F5: variants seen among roughly 807,000 people sequenced by gnomAD.
The protein encoded by F5 is activated protein c cofactor.
Under a neutral mutation model 216.4 loss-of-function variants are expected in F5, and 138 were observed. The observed-to-expected ratio is 0.64, with a 90% CI of 0.56 to 0.73. The LOEUF (loss-of-function observed/expected upper bound fraction) is 0.73. Ranked by LOEUF, F5 falls within the 30% of genes least tolerant of loss-of-function variation. The probability of loss-of-function intolerance (pLI) is 0.00; values close to 1 mark genes in which losing one functional copy is unlikely to be tolerated. For missense variants in F5, 2,403 were observed against 2,674.0 expected, an observed-to-expected ratio of 0.90 and a Z score of 2.24; for synonymous variants, 916 against 930.7, an observed-to-expected ratio of 0.98 and a Z score of 0.29.
chr1:169,552,837 C>T (rs1660205289), intron 7 of F5, 103 bp from the exon 8 acceptor site: 4 of 830,590 alleles, frequency 4.8e-6, no homozygotes, highest in Non-Finnish European at 7.8e-6. Context: ...GATTAGCTAA[C>T]ATACTAGTTC....
Position 169,540,721 on chromosome 1 carries a change from G to A in F5, c.4369C>T (p.Pro1457Ser), listed in dbSNP as rs1321150541. ...LLPDLSQISP[P>S]PDLDQIFYPS... is the part of the protein sequence containing the mutation. The stretch of plus-strand genomic sequence containing the variant: ...TAGAATATCTGATCAAGGTCTGGAG[G>A]AGGTGATATCTGGCTGAGATCCGGG... Residue 1457 changes from proline to serine, a missense_variant, in exon 13 of 25, where the codon CCT (proline) becomes TCT (serine). This residue lies in a region of F5 where 293 missense variants were observed against 270.8 expected (regional missense o/e 1.08). Transcript: ENST00000367797. The A allele has an allele frequency of 1.9e-6, 3 of 1,614,060 alleles. No homozygotes were observed. The highest frequency in any genetic ancestry group is 1.7e-6 in the Non-Finnish European group (2 of 1,179,994).
At chr1:169,571,235 C>T (rs139833190) in intron 3 of F5, among the ~76,000 whole-genome samples, 17 of 152,150 alleles carry the variant, frequency 1.1e-4, no homozygotes, top group East Asian at 1.9e-4. Context: ...TACTATTCAG[C>T]GGCTGATACA....
chr1:169,559,522 G>T (rs2101832202), intron 4 of F5, among the ~76,000 whole-genome samples: 1 of 152,204 alleles, frequency 6.6e-6, no homozygotes, highest in East Asian at 1.9e-4. Context: ...TGGGGAACAG[G>T]CTTTATTTCA....
At chr1:169,558,234 G>T (rs1359088473) in intron 5 of F5, among the ~76,000 whole-genome samples, 1 of 151,952 alleles carries the variant, frequency 6.6e-6, no homozygotes, top group East Asian at 1.9e-4. Context: ...ATTATCTAAG[G>T]TCGAGGTCAG....
intron 4 of F5, among the ~76,000 whole-genome samples, chr1:169,559,607 A>T (rs753202970): frequency 1.1e-4 from 16 of 152,120 alleles, no homozygotes; most frequent in African/African-American, 1.9e-4. Context: ...TCTCAATAGA[A>T]GAGTATATAG....
chr1:169,538,002 G>T (rs1377832026), intron 13 of F5, among the ~76,000 whole-genome samples: 1 of 152,094 alleles, frequency 6.6e-6, no homozygotes, highest in African/African-American at 2.4e-5. Context: ...AATGAAATCA[G>T]TATGTTGAAG....
chr1:169,546,966 T>TAAAAAAAAAAAAAAAAGAAAAAAA (rs1660019703), intron 10 of F5, among the ~76,000 whole-genome samples: 1 of 129,938 alleles, frequency 7.7e-6, no homozygotes. Context: ...CCGTCTCTAC[T>TAAAAAAAAAAAAAAAAGAAAAAAA]AAAAAAAAAA....
chr1:169,567,254 G>T (rs894218409), intron 3 of F5, among the ~76,000 whole-genome samples: 6 of 151,776 alleles, frequency 4.0e-5, no homozygotes, highest in African/African-American at 1.5e-4. Flanking sequence ...GAGGGGGGAG[G>T]GATAGCATTG....
chr1:169,577,560 A>AATACATAT (rs1319354011), intron 2 of F5, among the ~76,000 whole-genome samples: 4 of 54,446 alleles, frequency 7.3e-5, no homozygotes, highest in Admixed American at 2.6e-4. Flanking sequence ...GGCTAATTTA[A>AATACATAT]ATATATATAT....
intron 12 of F5, 130 bp downstream of exon 12, chr1:169,544,166 G>T: frequency 1.3e-6 from 1 of 743,178 alleles, no homozygotes. Flanking sequence ...GAGAAACATT[G>T]AAAGAAAAGC....
chr1:169,525,363 T>C (rs1356711615), intron 18 of F5, among the ~76,000 whole-genome samples: 3 of 152,150 alleles, frequency 2.0e-5, no homozygotes, highest in Non-Finnish European at 2.9e-5. Context: ...AAAAAAGTTC[T>C]AGTCCTGATG....
chr1:169,544,387 C>T lies in F5; in HGVS notation c.1884G>A (p.Gly628=), dbSNP rs372635771. 2.7e-5 allele frequency: 44 copies of T among 1,614,082 alleles called. No homozygotes were observed. Among genetic ancestry groups the T allele is most frequent in the Non-Finnish European group, 3.5e-5 (41 of 1,180,006 alleles). ...QNEILTIHFT[G]HSFIYGKRHE... ...GCCTCTTTCCATAGATGAATGAGTG[C>T]CCAGTGAAGTGGATGGTCAAAATTT... Residue 628 remains glycine (G), a synonymous_variant, in exon 12 of 25, where the codon GGG becomes GGA. Coordinates refer to ENST00000367797, the MANE Select transcript of F5 (RefSeq NM_000130.5).
intron 3 of F5, among the ~76,000 whole-genome samples, chr1:169,565,857 G>A (rs1458424171): frequency 1.3e-5 from 2 of 152,092 alleles, no homozygotes; most frequent in Non-Finnish European, 2.9e-5. Context: ...AGGATAGCTT[G>A]ACACTAATAA....
Position 169,582,196 on chromosome 1 carries a change from G to A in F5, c.250+235C>T, listed in dbSNP as rs180801004. On this transcript the variant is annotated intron_variant, in intron 2 of 24. Transcript: ENST00000367797. ...TTCACAGGGCCCCATGCCCCAAAGGGCCCCTGGCTTGGTTTAATGCTTTGC... is the reference window on the plus strand; with the variant it reads ...TTCACAGGGCCCCATGCCCCAAAGGACCCCTGGCTTGGTTTAATGCTTTGC... Among the ~76,000 whole-genome samples the A allele has an allele frequency of 3.0e-4, 46 of 152,204 alleles. 1 individual carries two copies. In the East Asian group the frequency reaches 8.3e-3, roughly 27 times the overall value.
intron 11 of F5, among the ~76,000 whole-genome samples, chr1:169,545,117 G>C (rs9332595): frequency 0.23 from 35,637 of 152,064 alleles, 4,253 homozygotes; most frequent in Admixed American, 0.33. Flanking sequence ...TGTCTACCTC[G>C]ATTACCACTC....
At position 169,542,839 on chromosome 1, in the gene F5, ACTC is replaced by A. The variant is rs777674318; in HGVS notation, c.2248_2250del (p.Glu750del). 85 of 1,613,634 alleles carry A rather than the reference ACTC, an allele frequency of 5.3e-5. No individual in the cohort carries two copies. In the East Asian group the frequency reaches 5.8e-4, roughly 11 times the overall value. On this transcript the variant is annotated inframe_deletion, in exon 13 of 25. Transcript: ENST00000367797. ...TCCAGAGCTAGGGCAGTAAGATTGA[ACTC>A]TTCTTCTTCCTGATTCAATGATGAG...
In F5 at chr1:169,514,249, T is replaced by G; in HGVS notation, c.*64A>C. The G allele has an allele frequency of 2.7e-6, 4 of 1,483,746 alleles. No individual in the cohort carries two copies. The Admixed American group carries it at 6.7e-5, about 25-fold the overall frequency. The allele number at this position is 1,483,746 out of a possible 1,614,324, so 91.9% of individuals were successfully genotyped here. ...AACATTTAACACAGCGTAAAATACATTGCCCATTCTAAATGGTTTGAGGTC... is the reference window on the plus strand; with the variant it reads ...AACATTTAACACAGCGTAAAATACAGTGCCCATTCTAAATGGTTTGAGGTC... On this transcript the variant is annotated 3_prime_UTR_variant, in exon 25 of 25. Transcript: ENST00000367797.
At chr1:169,543,961 A>G (rs890950647) in intron 12 of F5, among the ~76,000 whole-genome samples, 2 of 152,216 alleles carry the variant, frequency 1.3e-5, no homozygotes, top group Non-Finnish European at 2.9e-5. Flanking sequence ...GACTGTTGCA[A>G]AAAACCGAAT....
chr1:169,560,928 T>A (rs1416016386), intron 3 of F5, among the ~76,000 whole-genome samples, 162 bp from the exon 4 acceptor site: 1 of 152,188 alleles, frequency 6.6e-6, no homozygotes, highest in East Asian at 1.9e-4. Context: ...CCCATTTCTA[T>A]GCTCATGTAC....
Sources: allele counts gnomAD v4.1 joint callset (sites outside exome capture counted in the v4.1 genomes callset), GRCh38; gene constraint gnomAD v4.1.1; regional missense constraint gnomAD v4.1.1; transcripts MANE v1.5; gene names NCBI Gene and HGNC (gene_info 2026-07-23, HGNC 2026-07-21).